The following ANKRD20A1 variants were observed in gnomAD, a reference collection of about 807,000 sequenced individuals.
The protein encoded by ANKRD20A1 is ankyrin repeat domain-containing protein 20A1.
ANKRD20A1 carries 2 observed loss-of-function variants against 50.9 expected under a neutral mutation model. The observed-to-expected ratio is 0.04, with a 90% CI of 0.02 to 0.12. The LOEUF (loss-of-function observed/expected upper bound fraction) is 0.12. Ranked by LOEUF, ANKRD20A1 falls within the 10% of genes least tolerant of loss-of-function variation. The probability of loss-of-function intolerance (pLI) is 1.00; values close to 1 mark genes in which losing one functional copy is unlikely to be tolerated. For synonymous variants in ANKRD20A1, 10 were observed against 186.2 expected (o/e 0.05, Z 7.70); for missense variants, 31 against 548.1 (o/e 0.06, Z 9.42).
intron 11 of ANKRD20A1, among the ~76,000 whole-genome samples, chr9:67,889,696 G>A (rs1471035553): frequency 8.3e-5 from 2 of 24,164 alleles, no homozygotes; most frequent in African/African-American, 2.7e-4. Flanking sequence ...GTGTGTTTGT[G>A]GGGTAGAGGA....
At chr9:67,882,988 AG>A (rs1408775206) in intron 8 of ANKRD20A1, among the ~76,000 whole-genome samples, 2 of 151,086 alleles carry the variant, frequency 1.3e-5, no homozygotes, top group African/African-American at 4.8e-5. Context: ...ATGGCTGCAT[AG>A]TATTCCATGG....
chr9:67,881,044 G>A (rs375281615), intron 8 of ANKRD20A1, among the ~76,000 whole-genome samples: 2 of 145,386 alleles, frequency 1.4e-5, no homozygotes, highest in Non-Finnish European at 3.0e-5. Context: ...TATTATTTTG[G>A]TATCATATTG....
In ANKRD20A1 at chr9:67,864,763, ATC is replaced by A. The variant is rs1276354846; in HGVS notation, c.492+1375_492+1376del. 8.3e-5 allele frequency among the ~76,000 whole-genome samples: 4 copies of A among 48,272 alleles called. 1 individual carries two copies. The highest frequency in any genetic ancestry group is 1.7e-4 in the Non-Finnish European group (4 of 24,046). The allele number at this position is 48,272 out of a possible 152,430, so 31.7% of individuals were successfully genotyped here. On this transcript the variant is annotated intron_variant, in intron 3 of 14. Coordinates refer to ENST00000562196, the MANE Select transcript of ANKRD20A1 (RefSeq NM_032250.5). ...ATAAGTGCAATATATAAATTTCTGT[ATC>A]TCAAAAATGTAAGAAATCTCTAGAA...
chr9:67,872,335 T>C (rs202053433), intron 6 of ANKRD20A1, among the ~76,000 whole-genome samples: 2 of 133,760 alleles, frequency 1.5e-5, no homozygotes, highest in Non-Finnish European at 1.6e-5. Context: ...TGTCATAGTT[T>C]ACATACATAC....
At position 67,871,258 on chromosome 9, in the gene ANKRD20A1, C is replaced by T. The variant is rs201679007; in HGVS notation, c.793+46C>T. The T allele has an allele frequency of 3.6e-5, 53 of 1,453,584 alleles. 4 individuals carry two copies. The Admixed American group carries it at 8.3e-4, about 23-fold the overall frequency. 90.0% of individuals were successfully genotyped at this position (1,453,584 alleles called of 1,614,324 possible). A position where few individuals can be genotyped will look rare whatever the true frequency, so the allele number is the denominator to read the frequency against. ...TTTCTTACTTCTCTTGGTGGTCCTA[C>T]TCTTGATAAGAAAATACAAAGTAAG... On this transcript the variant is annotated intron_variant, in intron 6 of 14. Coordinates refer to ENST00000562196, the MANE Select transcript of ANKRD20A1 (RefSeq NM_032250.5).
At chr9:67,878,702 A>ATCTCT (rs1367610798) in intron 7 of ANKRD20A1, among the ~76,000 whole-genome samples, 66 of 32,432 alleles carry the variant, frequency 2.0e-3, no homozygotes, top group African/African-American at 4.0e-3. Context: ...CTCTAGATAG[A>ATCTCT]GAATGTGAGG....
At chr9:67,882,547 C>T (rs1167413405) in intron 8 of ANKRD20A1, among the ~76,000 whole-genome samples, 1 of 150,104 alleles carries the variant, frequency 6.7e-6, no homozygotes, top group Non-Finnish European at 1.5e-5. Context: ...CAACTGGAAT[C>T]TTAACATTGA....
Position 67,860,043 on chromosome 9 carries a change from G to A in ANKRD20A1, c.203+414G>A. On this transcript the variant is annotated intron_variant, in intron 1 of 14. Transcript: ENST00000562196. ...ATGAAAAGTATGTTTTCATTTTATAGGGAATTCATTATATTCTTTTTTTTT... is the reference window on the plus strand; with the variant it reads ...ATGAAAAGTATGTTTTCATTTTATAAGGAATTCATTATATTCTTTTTTTTT... Among the ~76,000 whole-genome samples, 2 of 27,140 alleles carry A rather than the reference G, an allele frequency of 7.4e-5. 1 individual carries two copies. The highest frequency in any genetic ancestry group is 1.3e-4 in the Non-Finnish European group (2 of 15,252). 17.8% of individuals were successfully genotyped at this position (27,140 alleles called of 152,430 possible).
At chr9:67,871,416 T>C (rs1415495996) in intron 6 of ANKRD20A1, among the ~76,000 whole-genome samples, 1 of 138,152 alleles carries the variant, frequency 7.2e-6, no homozygotes, top group Non-Finnish European at 1.6e-5. Context: ...TTCAGATTTA[T>C]TTAAGAAGGT....
At chr9:67,884,156 T>C (rs1206105829) in intron 8 of ANKRD20A1, among the ~76,000 whole-genome samples, 2 of 124,152 alleles carry the variant, frequency 1.6e-5, no homozygotes, top group African/African-American at 5.2e-5. Flanking sequence ...CTCAACACTT[T>C]GAGAGGCAGA....
chr9:67,890,351 G>T (rs371599473), intron 11 of ANKRD20A1, among the ~76,000 whole-genome samples: 1 of 88,446 alleles, frequency 1.1e-5, no homozygotes, highest in Admixed American at 1.5e-4. Flanking sequence ...TAGAAAACCA[G>T]CTAGACATCT....
chr9:67,892,660 C>CT (rs1827958184), intron 11 of ANKRD20A1, among the ~76,000 whole-genome samples: 1 of 143,526 alleles, frequency 7.0e-6, no homozygotes, highest in African/African-American at 2.5e-5. Context: ...AGTTCTTACT[C>CT]TATCACCCAG....
chr9:67,885,038 G>T (rs1045553433), intron 9 of ANKRD20A1, among the ~76,000 whole-genome samples: 3 of 125,692 alleles, frequency 2.4e-5, no homozygotes, highest in African/African-American at 5.3e-5. Flanking sequence ...CTAACCAAGG[G>T]TCAGCAGTTG....
At chr9:67,884,607 G>A (rs1204490813) in intron 9 of ANKRD20A1, 37 bp downstream of exon 9, 2 of 1,590,676 alleles carry the variant, frequency 1.3e-6, no homozygotes, top group Admixed American at 1.7e-5. Flanking sequence ...TCATCTGATG[G>A]AGGCCGGGTG....
chr9:67,885,500 G>T (rs866157482), intron 9 of ANKRD20A1, among the ~76,000 whole-genome samples: 814 of 148,908 alleles, frequency 5.5e-3, no homozygotes, highest in African/African-American at 0.02. Flanking sequence ...AACCTCATAG[G>T]ATAGTATCAT....
At chr9:67,884,893 AAAAAC>A (rs1465597120) in intron 9 of ANKRD20A1, among the ~76,000 whole-genome samples, 3 of 149,796 alleles carry the variant, frequency 2.0e-5, no homozygotes, top group African/African-American at 7.3e-5. Flanking sequence ...CCGTCTCAGA[AAAAAC>A]AAAACAAAAA....
chr9:67,859,295 C>G lies in ANKRD20A1; in HGVS notation c.-132C>G. The G allele has an allele frequency of 2.6e-6, 1 of 390,356 alleles. No homozygotes were observed. The highest frequency in any genetic ancestry group is 3.6e-6 in the Non-Finnish European group (1 of 278,604). The allele number at this position is 390,356 out of a possible 1,614,324, so 24.2% of individuals were successfully genotyped here. A position where few individuals can be genotyped will look rare whatever the true frequency, so the allele number is the denominator to read the frequency against. On this transcript the variant is annotated 5_prime_UTR_variant, in exon 1 of 15. The change creates a new upstream start codon in the 5' untranslated region. Coordinates refer to ENST00000562196, the MANE Select transcript of ANKRD20A1 (RefSeq NM_032250.5). ...TGAAATAGCGGAGTTGGGGTTGGAT[C>G]GGGGCTTTGGGGTTGGATAGGGGAT...
chr9:67,872,841 G>A (rs1423265799), intron 6 of ANKRD20A1, among the ~76,000 whole-genome samples: 1 of 122,122 alleles, frequency 8.2e-6, no homozygotes, highest in Non-Finnish European at 1.7e-5. Context: ...GTTTTGTGTG[G>A]TTACATCTGG....
rs1827497136 is a variant in ANKRD20A1, at chr9:67,861,182, T to A, written c.203+1553T>A. ...ATGAATCTTGCGCTGATGAAAATAA[T>A]TTCTCACTTTCTATTCTTTATCATT... On this transcript the variant is annotated intron_variant, in intron 1 of 14. Transcript: ENST00000562196. 4.2e-5 allele frequency among the ~76,000 whole-genome samples: 2 copies of A among 48,058 alleles called. 1 individual carries two copies. Among genetic ancestry groups the A allele is most frequent in the Admixed American group, 3.2e-4 (2 of 6,202 alleles). The allele number at this position is 48,058 out of a possible 152,430, so 31.5% of individuals were successfully genotyped here.
Sources: gnomAD v4.1 joint callset for allele counts (sites outside exome capture counted in the v4.1 genomes callset) on GRCh38, gnomAD v4.1.1 for gene constraint, MANE v1.5 for transcripts, NCBI Gene and HGNC (gene_info 2026-07-23, HGNC 2026-07-21) for gene names.